The following DGKB variants were observed in gnomAD, a reference collection of about 807,000 sequenced individuals.
DGKB encodes 90 kDa diacylglycerol kinase.
Under a neutral mutation model 114.3 loss-of-function variants are expected in DGKB, and 67 were observed. The ratio of observed to expected loss-of-function variants is 0.59; its 90% CI spans 0.48 to 0.72. DGKB has a LOEUF of 0.72. Ranked by LOEUF, DGKB falls within the 30% of genes least tolerant of loss-of-function variation. The pLI is 0.00. For synonymous variants in DGKB, 398 were observed against 323.1 expected, an observed-to-expected ratio of 1.23 and a Z score of -2.49; for missense variants, 907 against 975.2, an observed-to-expected ratio of 0.93 and a Z score of 0.93.
Position 14,411,773 on chromosome 7 carries a change from T to TACTCCATGAGTTTTAGCTTAAA in DGKB, c.1836-66383_1836-66382insTTTAAGCTAAAACTCATGGAGT, listed in dbSNP as rs1824921201. Among the ~76,000 whole-genome samples, 2 of 148,268 alleles carry TACTCCATGAGTTTTAGCTTAAA rather than the reference T, an allele frequency of 1.3e-5. 1 individual carries two copies. On this transcript the variant is annotated intron_variant, in intron 21 of 25. Transcript: ENST00000402815. ...TCTTTCTCCCCTACCTCTTTCTTTT[T>TACTCCATGAGTTTTAGCTTAAA]TTTCTGGAAATAATTATAGATACAA...
At chr7:14,680,996 C>G (rs1211203605) in intron 12 of DGKB, among the ~76,000 whole-genome samples, 1 of 151,432 alleles carries the variant, frequency 6.6e-6, no homozygotes, top group African/African-American at 2.4e-5. Flanking sequence ...TATCTAATCT[C>G]AGCTTATGTT....
At chr7:14,168,342 G>A (rs1784904482) in intron 25 of DGKB, among the ~76,000 whole-genome samples, 1 of 152,196 alleles carries the variant, frequency 6.6e-6, no homozygotes, top group South Asian at 2.1e-4. Context: ...CTTAACACAC[G>A]TCATCAGAGT....
chr7:14,882,717 T>C (rs1854425754), intron 1 of DGKB, among the ~76,000 whole-genome samples: 1 of 152,032 alleles, frequency 6.6e-6, no homozygotes, highest in Non-Finnish European at 1.5e-5. Context: ...TGGCTTGTTT[T>C]GCTCAAGATA....
At chr7:14,601,326 C>T (rs1585048248) in intron 17 of DGKB, among the ~76,000 whole-genome samples, 1 of 152,208 alleles carries the variant, frequency 6.6e-6, no homozygotes, top group African/African-American at 2.4e-5. Context: ...GTCCTCAAGG[C>T]CCTGACACTG....
chr7:14,583,528 T>C (rs760005226), intron 17 of DGKB, among the ~76,000 whole-genome samples: 16 of 152,210 alleles, frequency 1.1e-4, no homozygotes, highest in Non-Finnish European at 2.1e-4. Flanking sequence ...CAAAATTATC[T>C]TTTGAGTGAA....
intron 2 of DGKB, among the ~76,000 whole-genome samples, chr7:14,835,635 G>A (rs1444419139): frequency 6.6e-6 from 1 of 152,158 alleles, no homozygotes; most frequent in African/African-American, 2.4e-5. Flanking sequence ...GGGCTAGCGT[G>A]TGATCTAAAT....
chr7:14,378,041 T>G (rs1244989982), intron 21 of DGKB, among the ~76,000 whole-genome samples: 2 of 152,216 alleles, frequency 1.3e-5, no homozygotes, highest in Non-Finnish European at 2.9e-5. Context: ...TGGAGTATAG[T>G]AGAAACATCA....
At chr7:14,935,931 G>C (rs565620766) in intron 1 of DGKB, among the ~76,000 whole-genome samples, 1 of 152,040 alleles carries the variant, frequency 6.6e-6, no homozygotes, top group Non-Finnish European at 1.5e-5. Flanking sequence ...TGCCCACATT[G>C]GTTGTCCATC....
intron 21 of DGKB, among the ~76,000 whole-genome samples, chr7:14,422,867 C>G (rs1826930527): frequency 6.6e-6 from 1 of 151,960 alleles, no homozygotes; most frequent in African/African-American, 2.4e-5. Flanking sequence ...TTTTTGAGTA[C>G]TTTCCACCTC....
intron 23 of DGKB, among the ~76,000 whole-genome samples, chr7:14,277,197 G>A (rs1009114540): frequency 1.3e-5 from 2 of 151,268 alleles, no homozygotes; most frequent in African/African-American, 2.4e-5. Flanking sequence ...TTGAGACAGA[G>A]TCTCACTCTG....
chr7:14,696,367 C>A (rs556464573), intron 8 of DGKB, among the ~76,000 whole-genome samples: 14 of 151,702 alleles, frequency 9.2e-5, no homozygotes, highest in African/African-American at 3.1e-4. Context: ...CGGTGGCGGG[C>A]GCCTGTAGTC....
intron 17 of DGKB, among the ~76,000 whole-genome samples, chr7:14,600,974 A>G (rs1006315605): frequency 2.6e-5 from 4 of 152,144 alleles, no homozygotes; most frequent in African/African-American, 9.7e-5. Flanking sequence ...GCATTGTCCT[A>G]GTGGAGGCTC....
chr7:14,508,193 A>T (rs1183219113), intron 20 of DGKB, among the ~76,000 whole-genome samples: 1 of 152,222 alleles, frequency 6.6e-6, no homozygotes, highest in East Asian at 1.9e-4. Flanking sequence ...ATATTAAGAC[A>T]CTATACACTG....
At chr7:14,511,072 A>G (rs1485108717) in intron 20 of DGKB, among the ~76,000 whole-genome samples, 2 of 152,200 alleles carry the variant, frequency 1.3e-5, no homozygotes, top group Non-Finnish European at 2.9e-5. Flanking sequence ...TAGGATCTTC[A>G]GAATGGTCAA....
intron 1 of DGKB, among the ~76,000 whole-genome samples, chr7:14,845,125 AAAAAAAAAAAAAAAG>A: frequency 6.9e-6 from 1 of 145,632 alleles, no homozygotes; most frequent in Admixed American, 6.9e-5. Flanking sequence ...AAAAAAAAAA[AAAAAAAAAAAAAAAG>A]AAAGAAAGAA....
At chr7:14,235,084 C>T (rs1365284157) in intron 23 of DGKB, among the ~76,000 whole-genome samples, 1 of 152,058 alleles carries the variant, frequency 6.6e-6, no homozygotes, top group East Asian at 1.9e-4. Flanking sequence ...TTCAGGAAGC[C>T]TTTCTCAGGT....
intron 14 of DGKB, among the ~76,000 whole-genome samples, chr7:14,629,881 T>C (rs925872079): frequency 6.6e-6 from 1 of 152,114 alleles, no homozygotes; most frequent in African/African-American, 2.4e-5. Flanking sequence ...ATAAATTCTT[T>C]TGGATTTCCA....
chr7:14,674,492 T>C (rs945438343), intron 12 of DGKB, among the ~76,000 whole-genome samples: 1 of 152,278 alleles, frequency 6.6e-6, no homozygotes, highest in South Asian at 2.1e-4. Flanking sequence ...GCCATGGATG[T>C]TTGGATTTAG....
At chr7:14,339,599 T>C (rs1341607752) in intron 22 of DGKB, among the ~76,000 whole-genome samples, 1 of 152,084 alleles carries the variant, frequency 6.6e-6, no homozygotes, top group Non-Finnish European at 1.5e-5. Flanking sequence ...TTTCCACTAC[T>C]GGACATATGT....
Sources: gnomAD v4.1 joint callset for allele counts (sites outside exome capture counted in the v4.1 genomes callset) on GRCh38, gnomAD v4.1.1 for gene constraint, MANE v1.5 for transcripts, NCBI Gene and HGNC (gene_info 2026-07-23, HGNC 2026-07-21) for gene names.